Variants in HERC2 observed in about 807,000 individuals in gnomAD.
The protein encoded by HERC2 is E3 ubiquitin-protein ligase HERC2.
Under a neutral mutation model 537.7 loss-of-function variants are expected in HERC2, and 102 were observed. The ratio of observed to expected loss-of-function variants is 0.19; its 90% CI spans 0.16 to 0.22. The LOEUF (loss-of-function observed/expected upper bound fraction) is 0.22. Ranked by LOEUF, HERC2 falls within the 10% of genes least tolerant of loss-of-function variation. The pLI, the probability that HERC2 is intolerant of heterozygous loss-of-function variation, is 1.00. For synonymous variants in HERC2, 2,224 were observed against 2,466.2 expected, an observed-to-expected ratio of 0.90 and a Z score of 2.91; for missense variants, 4,236 against 6,198.2, an observed-to-expected ratio of 0.68 and a Z score of 10.63.
At chr15:28,316,896 C>A (rs2077102813) in intron 2 of HERC2, among the ~76,000 whole-genome samples, 1 of 152,152 alleles carries the variant, frequency 6.6e-6, no homozygotes, top group African/African-American at 2.4e-5. Flanking sequence ...CCTGCCTCAG[C>A]CTCCTGAGTA....
In HERC2 at chr15:28,209,159, T is replaced by C. The variant is rs189310319; in HGVS notation, c.7069+1843A>G. Among the ~76,000 whole-genome samples the C allele has an allele frequency of 2.5e-3, 379 of 152,190 alleles. 1 individual carries two copies. Among genetic ancestry groups the C allele is most frequent in the African/African-American group, 8.6e-3 (357 of 41,512 alleles). ...TATACATAGCAATGTGCTTTTCTGT[T>C]TACTTATCATTTTCATATTTCCACG... On this transcript the variant is annotated intron_variant, in intron 44 of 92. Transcript: ENST00000261609.
Position 28,111,863 on chromosome 15 carries a change from G to GT in HERC2, c.14404dup (p.Thr4802AsnfsTer15). 1 of 1,614,244 alleles carries GT rather than the reference G, an allele frequency of 6.2e-7. No homozygotes were observed. The highest frequency in any genetic ancestry group is 8.5e-7 in the Non-Finnish European group (1 of 1,180,046). On this transcript the variant is annotated frameshift_variant, in exon 93 of 93. Transcript: ENST00000261609. LOFTEE classifies it high-confidence loss of function. ...GCTGTCGTCGGCGGCTGGCTCTCCT[G>GT]TAAGTGCGATGCGAGCGTAGTCATC...
chr15:28,149,682 C>T (rs1335839863), intron 70 of HERC2, among the ~76,000 whole-genome samples: 1 of 151,612 alleles, frequency 6.6e-6, no homozygotes, highest in Non-Finnish European at 1.5e-5. Flanking sequence ...AACTTCTAAC[C>T]GAGAACATCA....
intron 55 of HERC2, chr15:28,190,288 G>A (rs1404042925): frequency 2.0e-5 from 3 of 151,538 alleles, no homozygotes; most frequent in African/African-American, 7.3e-5. Context: ...CAGAGTGCTG[G>A]GATTACAGGC....
At position 28,156,004 on chromosome 15, in the gene HERC2, A is replaced by G. The variant is rs527574482; in HGVS notation, c.10747-3174T>C. Among the ~76,000 whole-genome samples the G allele has an allele frequency of 3.4e-3, 516 of 152,278 alleles. 6 individuals carry two copies. The highest frequency in any genetic ancestry group is 0.012 in the African/African-American group (479 of 41,560). On this transcript the variant is annotated intron_variant, in intron 69 of 92. Transcript: ENST00000261609. Reference sequence around the variant, plus strand: ...ATGGTTAGCCAGTTTTCCCAGCACCATTTGTTGAATAGGGAATCCTTTCCC... The same window carrying G: ...ATGGTTAGCCAGTTTTCCCAGCACCGTTTGTTGAATAGGGAATCCTTTCCC...
chr15:28,192,130 C>G lies in HERC2; in HGVS notation c.8282G>C (p.Gly2761Ala). Residue 2761 changes from glycine to alanine, a missense_variant, in exon 53 of 93, where the codon GGC becomes GCC. Physicochemically the swap from Gly to Ala is moderately conservative, Grantham distance 60. Around this residue, in one of 27 missense-constraint regions of HERC2, gnomAD observed 606 missense variants for 884.5 expected, o/e 0.69. Coordinates refer to ENST00000261609, the MANE Select transcript of HERC2 (RefSeq NM_004667.6). The stretch of plus-strand genomic sequence containing the variant: ...ACGCTTCAGCTGTTTTCCAGAACGG[C>G]CACAAAATACCGCAGACTGACCTAT... The part of the protein sequence containing the change: ...NEPGQSAVFC[G>A]RSGKQLKRCH... 1 of 1,613,504 alleles carries G rather than the reference C, an allele frequency of 6.2e-7. No homozygotes were observed. The highest frequency in any genetic ancestry group is 1.1e-5 in the South Asian group (1 of 91,056).
In HERC2 at chr15:28,146,401, G is replaced by C. The variant is rs1017303786; in HGVS notation, c.10901-57C>G. The stretch of plus-strand genomic sequence containing the variant: ...CCACTCCAGATCAGCACCCAAAGTA[G>C]AAACAGTGAAACTAAAACCACATTT... On this transcript the variant is annotated intron_variant, in intron 70 of 92. Coordinates refer to ENST00000261609, the MANE Select transcript of HERC2 (RefSeq NM_004667.6). 2.9e-5 allele frequency: 33 copies of C among 1,144,012 alleles called. No homozygotes were observed. In the Admixed American group the frequency reaches 4.1e-4, roughly 14 times the overall value. 70.9% of individuals were successfully genotyped at this position (1,144,012 alleles called of 1,614,324 possible).
At chr15:28,182,372 C>G in intron 57 of HERC2, 29 bp downstream of exon 57, 1 of 1,501,136 alleles carries the variant, frequency 6.7e-7, no homozygotes, top group Non-Finnish European at 9.3e-7. Flanking sequence ...AGTGCCCCAC[C>G]CTGCTGGGTC....
At chr15:28,217,398 C>T (rs1330787769) in intron 38 of HERC2, among the ~76,000 whole-genome samples, 1 of 152,212 alleles carries the variant, frequency 6.6e-6, no homozygotes, top group Non-Finnish European at 1.5e-5. Flanking sequence ...CGCTCAGCCA[C>T]TTGCCCATCG....
At chr15:28,212,243 C>T (rs529618006) in intron 43 of HERC2, among the ~76,000 whole-genome samples, 15 of 152,236 alleles carry the variant, frequency 9.9e-5, no homozygotes, top group Admixed American at 5.9e-4. Flanking sequence ...AGTGTGGCTC[C>T]GAACATGGCG....
intron 70 of HERC2, 25 bp downstream of exon 70, chr15:28,152,652 T>A: frequency 1.3e-6 from 2 of 1,517,666 alleles, no homozygotes; most frequent in Non-Finnish European, 1.8e-6. Flanking sequence ...AGGCTGCAGC[T>A]CCCCGCTGGG....
chr15:28,256,464 A>G lies in HERC2; in HGVS notation c.2518-147T>C, dbSNP rs545768938. 9 of 677,444 alleles carry G rather than the reference A, an allele frequency of 1.3e-5. No homozygotes were observed. In the Admixed American group the frequency reaches 2.1e-4, roughly 15 times the overall value. 42.0% of individuals were successfully genotyped at this position (677,444 alleles called of 1,614,324 possible). A position where few individuals can be genotyped will look rare whatever the true frequency, so the allele number is the denominator to read the frequency against. ...TGTATTTTTAAAAACTGGACTAAAA[A>G]AACTCTTACCCACAATAGTTGAGGT... is the stretch of plus-strand genomic sequence containing the variant. On this transcript the variant is annotated intron_variant, in intron 17 of 92. Coordinates refer to ENST00000261609, the MANE Select transcript of HERC2 (RefSeq NM_004667.6).
In HERC2 at chr15:28,113,733, T is replaced by G. The variant is rs567499251; in HGVS notation, c.13914-55A>C. On this transcript the variant is annotated intron_variant, in intron 90 of 92. Transcript: ENST00000261609. This position sits in a 1 kb window ranked among gnomAD's most constrained non-coding sequence, Gnocchi z 7.0. ...GTCTTCAGTGACACTGACTTTATGC[T>G]GCTCACACCAAGCCTTGGCATGCAG... 2.2e-4 allele frequency: 310 copies of G among 1,429,836 alleles called. 4 individuals are homozygous for G. In the South Asian group the frequency reaches 3.4e-3, roughly 16 times the overall value. The allele number at this position is 1,429,836 out of a possible 1,614,324, so 88.6% of individuals were successfully genotyped here.
intron 2 of HERC2, among the ~76,000 whole-genome samples, 184 bp from the exon 3 acceptor site, chr15:28,299,700 A>C (rs1318128243): frequency 6.6e-6 from 1 of 152,254 alleles, no homozygotes; most frequent in South Asian, 2.1e-4. Flanking sequence ...CAAGAAATAT[A>C]AATGAAAAGG....
intron 88 of HERC2, 125 bp downstream of exon 88, chr15:28,116,540 C>T (rs943913097): frequency 2.9e-6 from 3 of 1,019,746 alleles, no homozygotes; most frequent in Non-Finnish European, 4.3e-6. Flanking sequence ...TTATTGGTAA[C>T]AGTCTCAAAA....
rs147576051 is a variant in HERC2, at chr15:28,213,783, T to C, written c.6745A>G (p.Met2249Val). 3 of 1,613,902 alleles carry C rather than the reference T, an allele frequency of 1.9e-6. No individual in the cohort carries two copies. The highest frequency in any genetic ancestry group is 2.7e-5 in the African/African-American group (2 of 74,942). ...KGKITVQFSD[M>V]RTCRVCPLNQ... ...AATGGGCAAACGCGACACGTCCGCA[T>C]GTCAGAGAACTGCACGGTGATTTTG... The change falls in exon 42 of 93, where the codon ATG (methionine) becomes GTG (valine). Residue 2249 changes from methionine (M) to valine (V), a missense_variant. Physicochemically the swap from Met to Val is conservative, Grantham distance 21. This residue lies in a region of HERC2 where 67 missense variants were observed against 140.1 expected (regional missense o/e 0.48). Coordinates refer to ENST00000261609, the MANE Select transcript of HERC2 (RefSeq NM_004667.6).
chr15:28,198,663 T>C lies in HERC2; in HGVS notation c.7823A>G (p.Gln2608Arg). The C allele has an allele frequency of 1.2e-6, 2 of 1,614,184 alleles. No homozygotes were observed. Among genetic ancestry groups the C allele is most frequent in the Non-Finnish European group, 1.7e-6 (2 of 1,180,014 alleles). ...DRDGLHDLNV[Q>R]CDWQQKGGTY... The stretch of plus-strand genomic sequence containing the variant: ...GCCCCCTTTCTGCTGCCAGTCACAC[T>C]GCACATTGAGATCATGCAATCCATC... The change falls in exon 49 of 93, where the codon CAG becomes CGG. Residue 2608 changes from glutamine to arginine, a missense_variant. This residue lies in a region of HERC2 where 606 missense variants were observed against 884.5 expected (regional missense o/e 0.69). Transcript: ENST00000261609.
chr15:28,200,434 A>T (rs1364478631), intron 48 of HERC2, among the ~76,000 whole-genome samples: 4 of 151,982 alleles, frequency 2.6e-5, no homozygotes. Flanking sequence ...CCTACAAGCC[A>T]GGAAGAGGGC....
In HERC2 at chr15:28,130,583, A is replaced by G; in HGVS notation, c.12582T>C (p.Leu4194=). ...CCACTTTAACTACTCCAAGACCAGT[A>G]AGAGAATCAATCTAGAGGGGGAAAA... is the stretch of plus-strand genomic sequence containing the variant. The part of the protein sequence containing the change: ...GCKVPMKIDS[L]TGLGVVKVEC... Residue 4194 remains leucine, a synonymous_variant, in exon 82 of 93, where the codon CTT becomes CTC. Transcript: ENST00000261609. 6.2e-7 allele frequency: 1 copy of G among 1,613,210 alleles called. No individual in the cohort carries two copies. The highest frequency in any genetic ancestry group is 8.5e-7 in the Non-Finnish European group (1 of 1,179,086).
Sources: allele counts gnomAD v4.1 joint callset (sites outside exome capture counted in the v4.1 genomes callset), GRCh38; gene constraint gnomAD v4.1.1; regional missense constraint gnomAD v4.1.1; non-coding constraint Gnocchi (gnomAD v3.1); transcripts MANE v1.5; gene names NCBI Gene and HGNC (gene_info 2026-07-23, HGNC 2026-07-21).